MTCL1: variants seen among roughly 807,000 people sequenced by gnomAD.
MTCL1 encodes microtubule cross-linking factor 1.
MTCL1 carries 79 observed loss-of-function variants against 141.4 expected under a neutral mutation model. That is an observed-to-expected ratio of 0.56 (90% CI 0.47 to 0.67). MTCL1 has a LOEUF of 0.67. Among genes scored for constraint, MTCL1 ranks in the 30% least tolerant of loss-of-function variants. The pLI is 0.00. For missense variants in MTCL1, 2,177 were observed against 2,113.9 expected, an observed-to-expected ratio of 1.03 and a Z score of -0.59; for synonymous variants, 914 against 875.8, an observed-to-expected ratio of 1.04 and a Z score of -0.77.
intron 11 of MTCL1, among the ~76,000 whole-genome samples, chr18:8,812,472 G>A (rs983124025): frequency 1.2e-4 from 18 of 152,128 alleles, no homozygotes; most frequent in African/African-American, 3.4e-4. Context: ...TCTCGTCTTT[G>A]TGCCTCTATG....
chr18:8,770,311 T>C (rs1383367718), intron 4 of MTCL1, among the ~76,000 whole-genome samples: 2 of 152,256 alleles, frequency 1.3e-5, no homozygotes, highest in Non-Finnish European at 2.9e-5. Context: ...GATTAGATAT[T>C]GTCTTAGTCA....
exon 15 of MTCL1, chr18:8,825,896 G>A: frequency 6.2e-7 from 1 of 1,613,152 alleles, no homozygotes; most frequent in Non-Finnish European, 8.5e-7. Context: ...CCTTCCAGAA[G>A]GGGCTGCGGG....
At chr18:8,727,185 C>G (rs2096221453) in intron 4 of MTCL1, among the ~76,000 whole-genome samples, 1 of 151,956 alleles carries the variant, frequency 6.6e-6, no homozygotes, top group Admixed American at 6.6e-5. Flanking sequence ...ACCACACTTT[C>G]TTTATCTAAT....
At chr18:8,706,071 C>A in exon 1 of MTCL1, 1 of 1,196,710 alleles carries the variant, frequency 8.4e-7, no homozygotes, top group Non-Finnish European at 1.0e-6. Context: ...GCGTGGCGCC[C>A]GCGGAGCCGC....
chr18:8,786,480 C>T (rs1042384967), intron 7 of MTCL1: 4 of 401,292 alleles, frequency 1.0e-5, no homozygotes, highest in Admixed American at 5.8e-5. Context: ...TTAGAGTTCC[C>T]CTTTTCAGCT....
At position 8,809,394 on chromosome 18, in the gene MTCL1, G is replaced by A. The variant is rs570607339; in HGVS notation, c.2604+2334G>A. The stretch of plus-strand genomic sequence containing the variant: ...AAATCACGGATCTTTTTGAAAGGAA[G>A]TATGGAATGAAAGAATAAAAAGTAA... On this transcript the variant is annotated intron_variant, in intron 11 of 16. Transcript: ENST00000359865. The A allele has an allele frequency of 7.2e-6, 11 of 1,522,686 alleles. No individual in the cohort carries two copies. The Admixed American group carries it at 7.9e-5, about 11-fold the overall frequency. The allele number at this position is 1,522,686 out of a possible 1,614,324, so 94.3% of individuals were successfully genotyped here. A position where few individuals can be genotyped will look rare whatever the true frequency, so the allele number is the denominator to read the frequency against.
intron 16 of MTCL1, chr18:8,829,294 G>C: frequency 1.0e-6 from 1 of 985,436 alleles, no homozygotes; most frequent in Non-Finnish European, 1.2e-6. Flanking sequence ...CCTAGGCACA[G>C]GGGTCTTGCC....
chr18:8,786,596 A>G, intron 7 of MTCL1: 3 of 349,024 alleles, frequency 8.6e-6, no homozygotes, highest in South Asian at 6.6e-5. Context: ...CACCCCTAGC[A>G]GTGTCTGTCA....
At chr18:8,747,981 C>T (rs10438836) in intron 4 of MTCL1, among the ~76,000 whole-genome samples, 1,576 of 152,238 alleles carry the variant, frequency 0.01, 33 homozygotes, top group African/African-American at 0.035. Flanking sequence ...CTGGTTGTCA[C>T]CCACACACCT....
chr18:8,758,657 T>A (rs566264652), intron 4 of MTCL1, among the ~76,000 whole-genome samples: 1 of 152,362 alleles, frequency 6.6e-6, no homozygotes, highest in South Asian at 2.1e-4. Flanking sequence ...TCCTTTGTGC[T>A]GAAGTTTTCC....
intron 4 of MTCL1, among the ~76,000 whole-genome samples, chr18:8,776,601 T>C (rs1272327858): frequency 3.9e-5 from 6 of 152,198 alleles, no homozygotes; most frequent in African/African-American, 1.4e-4. Context: ...GATAGAGGTT[T>C]AGCCATGAGT....
chr18:8,734,394 T>C (rs2096266014), intron 4 of MTCL1, among the ~76,000 whole-genome samples: 1 of 152,124 alleles, frequency 6.6e-6, no homozygotes, highest in Non-Finnish European at 1.5e-5. Context: ...TTAGGAAAAC[T>C]CTCTTGTCTC....
intron 4 of MTCL1, among the ~76,000 whole-genome samples, chr18:8,726,469 A>ACAG (rs2096212723): frequency 2.3e-5 from 3 of 133,100 alleles, no homozygotes; most frequent in African/African-American, 8.7e-5. Context: ...GGTGAGAATA[A>ACAG]GAGGAGAGAG....
intron 7 of MTCL1, chr18:8,786,475 G>A (rs751104043): frequency 1.5e-5 from 6 of 409,058 alleles, no homozygotes; most frequent in Admixed American, 5.6e-5. Flanking sequence ...TCTCCTTAGA[G>A]TTCCCCTTTT....
At chr18:8,790,625 A>G (rs2075688709) in intron 7 of MTCL1, among the ~76,000 whole-genome samples, 1 of 152,248 alleles carries the variant, frequency 6.6e-6, no homozygotes, top group Admixed American at 6.5e-5. Flanking sequence ...ATATTGAATA[A>G]AACACTGCAT....
rs148087734 is a variant in MTCL1, at chr18:8,807,844, G to A, written c.2604+784G>A. 3.9e-4 allele frequency among the ~76,000 whole-genome samples: 59 copies of A among 152,278 alleles called. 1 individual carries two copies. The highest frequency in any genetic ancestry group is 1.4e-3 in the African/African-American group (59 of 41,548). ...GATCATGAGGAGGGAGGGAAGGTCT[G>A]TGTATCCTTGGTAATCTATTTCCTA... On this transcript the variant is annotated intron_variant, in intron 11 of 16. Transcript: ENST00000359865.
exon 12 of MTCL1, chr18:8,813,059 G>A (rs766949839): frequency 3.1e-6 from 5 of 1,614,206 alleles, no homozygotes; most frequent in Non-Finnish European, 4.2e-6. Context: ...AGGAGAGAGA[G>A]GTGCACCAGA....
rs766887517 is a variant in MTCL1, at chr18:8,784,011, G to A, written c.899G>A (p.Arg300Gln). 1.4e-5 allele frequency: 22 copies of A among 1,613,566 alleles called. No individual in the cohort carries two copies. In the Admixed American group the frequency reaches 1.5e-4, roughly 11 times the overall value. Residue 300 changes from arginine to glutamine, a missense_variant, in exon 6 of 17, where the codon CGG becomes CAG. Physicochemically the swap from Arg to Gln is conservative, Grantham distance 43. Transcript: ENST00000359865. ...ATCTCCGAGATCGAAGACCACAACC[G>A]GCAACTGACCCACGAGCTCAGCAAG...
intron 4 of MTCL1, among the ~76,000 whole-genome samples, chr18:8,770,198 G>T (rs149822767): frequency 6.6e-6 from 1 of 152,276 alleles, no homozygotes; most frequent in South Asian, 2.1e-4. Context: ...AAGTTTAGGG[G>T]ATCTTGAAAC....
Sources: gnomAD v4.1 joint callset for allele counts (sites outside exome capture counted in the v4.1 genomes callset) on GRCh38, gnomAD v4.1.1 for gene constraint, MANE v1.5 for transcripts, NCBI Gene and HGNC (gene_info 2026-07-23, HGNC 2026-07-21) for gene names.